Variants in PTPRN2 observed in about 807,000 individuals in gnomAD.
The protein encoded by PTPRN2 is receptor-type tyrosine-protein phosphatase N2.
PTPRN2 carries 74 observed loss-of-function variants against 118.8 expected under a neutral mutation model. The ratio of observed to expected loss-of-function variants is 0.62; its 90% CI spans 0.52 to 0.76. The LOEUF (loss-of-function observed/expected upper bound fraction) is 0.76. PTPRN2 is among the 30% of genes least tolerant of loss of function. PTPRN2 has a pLI of 0.00. For missense variants in PTPRN2, 1,481 were observed against 1,394.4 expected (o/e 1.06, Z -0.99); for synonymous variants, 641 against 608.0 (o/e 1.05, Z -0.80).
chr7:158,168,300 T>A (rs1232557113), intron 5 of PTPRN2, among the ~76,000 whole-genome samples: 1 of 152,246 alleles, frequency 6.6e-6, no homozygotes, highest in Non-Finnish European at 1.5e-5. Context: ...GCACGGCAGC[T>A]CGGAGTTACT....
chr7:157,845,101 G>A lies in PTPRN2; in HGVS notation c.1788+53572C>T, dbSNP rs1003450970. The stretch of plus-strand genomic sequence containing the variant: ...GAGGTGAGCACAAGGTCACAGGGAC[G>A]CAGCCCTGACCTCACGTTGGTCCAC... On this transcript the variant is annotated intron_variant, in intron 12 of 22. Coordinates refer to ENST00000389418, the MANE Select transcript of PTPRN2 (RefSeq NM_002847.5). This position sits in a 1 kb window ranked among gnomAD's most constrained non-coding sequence, Gnocchi z 4.5. 6.6e-6 allele frequency among the ~76,000 whole-genome samples: 1 copy of A among 152,184 alleles called. No individual in the cohort carries two copies. Among genetic ancestry groups the A allele is most frequent in the Non-Finnish European group, 1.5e-5 (1 of 68,036 alleles).
At position 157,777,977 on chromosome 7, in the gene PTPRN2, C is replaced by CAAA. The variant is rs5888729; in HGVS notation, c.1789-95043_1789-95041dup. Among the ~76,000 whole-genome samples the CAAA allele has an allele frequency of 5.9e-4, 65 of 109,662 alleles. 1 individual carries two copies. Among genetic ancestry groups the CAAA allele is most frequent in the African/African-American group, 1.9e-3 (63 of 32,878 alleles). 71.9% of individuals were successfully genotyped at this position (109,662 alleles called of 152,430 possible). On this transcript the variant is annotated intron_variant, in intron 12 of 22. Coordinates refer to ENST00000389418, the MANE Select transcript of PTPRN2 (RefSeq NM_002847.5). Reference sequence around the variant, plus strand: ...CTTTAGAAAAATCTTTACACCACAGCAAAAAAAAAAAAAAAAATACCCCAA... The same window carrying CAAA: ...CTTTAGAAAAATCTTTACACCACAGCAAAAAAAAAAAAAAAAAAAATACCCCAA...
chr7:158,490,732 T>C (rs2129445506), intron 1 of PTPRN2, among the ~76,000 whole-genome samples: 1 of 152,366 alleles, frequency 6.6e-6, no homozygotes, highest in Non-Finnish European at 1.5e-5. Context: ...GTGCCTTCAA[T>C]GCTGCTTCAC....
intron 11 of PTPRN2, among the ~76,000 whole-genome samples, chr7:157,985,330 G>T (rs541966891): frequency 1.1e-3 from 161 of 152,280 alleles, no homozygotes; most frequent in Non-Finnish European, 2.0e-3. Flanking sequence ...CTTCCATCTT[G>T]CGAGTTTAGC....
chr7:157,578,009 T>TAGAG lies in PTPRN2; in HGVS notation c.2616+11_2616+12insCTCT. Reference sequence around the variant, plus strand: ...TGGTGGGTCCTGCCCTGGGTGGCTCTGGTCGGAGTACCTCATAGATGTGGT... The same window carrying TAGAG: ...TGGTGGGTCCTGCCCTGGGTGGCTCTAGAGGGTCGGAGTACCTCATAGATGTGGT... On this transcript the variant is annotated intron_variant, in intron 18 of 22. Transcript: ENST00000389418. 1 of 1,599,374 alleles carries TAGAG rather than the reference T, an allele frequency of 6.3e-7. No individual in the cohort carries two copies. Among genetic ancestry groups the TAGAG allele is most frequent in the Non-Finnish European group, 8.6e-7 (1 of 1,169,036 alleles).
chr7:158,185,474 C>T (rs1021015546), intron 5 of PTPRN2, among the ~76,000 whole-genome samples: 1 of 152,148 alleles, frequency 6.6e-6, no homozygotes, highest in Non-Finnish European at 1.5e-5. Flanking sequence ...TGATCATGAT[C>T]GACCTGTATG....
chr7:158,358,852 G>GCATGGTGGT (rs1355950616), intron 2 of PTPRN2, among the ~76,000 whole-genome samples: 1 of 152,220 alleles, frequency 6.6e-6, no homozygotes, highest in Non-Finnish European at 1.5e-5. Flanking sequence ...GTTGGCAGGT[G>GCATGGTGGT]GATGGTGGTG....
At chr7:158,468,843 C>T (rs1026254292) in intron 2 of PTPRN2, among the ~76,000 whole-genome samples, 3 of 121,658 alleles carry the variant, frequency 2.5e-5, no homozygotes, top group Non-Finnish European at 5.4e-5. Flanking sequence ...ATGTGCACAC[C>T]CACACACTCC....
chr7:158,322,326 A>G (rs762968413), intron 2 of PTPRN2, among the ~76,000 whole-genome samples: 3 of 152,226 alleles, frequency 2.0e-5, no homozygotes, highest in African/African-American at 4.8e-5. Context: ...TGGTTCGGTT[A>G]TAATTGTGGA....
chr7:158,390,073 GCGTTTATTCAAAC>G (rs1161180433), intron 2 of PTPRN2, among the ~76,000 whole-genome samples: 2 of 152,230 alleles, frequency 1.3e-5, no homozygotes, highest in Non-Finnish European at 2.9e-5. Flanking sequence ...ATACTCAGCT[GCGTTTATTCAAAC>G]CGATCTTCTT....
intron 3 of PTPRN2, among the ~76,000 whole-genome samples, chr7:158,310,516 G>A (rs1196180040): frequency 6.6e-6 from 1 of 152,248 alleles, no homozygotes; most frequent in East Asian, 1.9e-4. Context: ...ATGAGGAATT[G>A]GAAACAGTGC....
intron 3 of PTPRN2, among the ~76,000 whole-genome samples, chr7:158,302,433 T>A (rs527338302): frequency 1.3e-5 from 2 of 152,340 alleles, no homozygotes; most frequent in East Asian, 3.9e-4. Flanking sequence ...CCTCACAGGA[T>A]CAGCTCGGTC....
chr7:158,424,727 C>A (rs1449297752), intron 2 of PTPRN2, among the ~76,000 whole-genome samples: 1 of 152,276 alleles, frequency 6.6e-6, no homozygotes, highest in Non-Finnish European at 1.5e-5. Context: ...GCATGTGCCG[C>A]ACCCTCGAGA....
chr7:158,171,067 A>ACT (rs1563554319), intron 5 of PTPRN2, among the ~76,000 whole-genome samples: 1 of 128,476 alleles, frequency 7.8e-6, no homozygotes, highest in African/African-American at 3.2e-5. Flanking sequence ...ATATATACAC[A>ACT]TTATATACAC....
At chr7:157,981,048 C>A (rs1207061092) in intron 11 of PTPRN2, among the ~76,000 whole-genome samples, 1 of 152,240 alleles carries the variant, frequency 6.6e-6, no homozygotes, top group East Asian at 1.9e-4. Context: ...ACTGGTGATG[C>A]CCTGCGCACT....
chr7:158,153,772 C>A (rs561655019), intron 6 of PTPRN2, among the ~76,000 whole-genome samples: 2 of 152,220 alleles, frequency 1.3e-5, no homozygotes, highest in South Asian at 4.1e-4. Context: ...TTTACAAGAA[C>A]CACTCTGCAG....
chr7:158,024,080 T>G (rs182150412), intron 11 of PTPRN2, among the ~76,000 whole-genome samples: 59 of 152,322 alleles, frequency 3.9e-4, no homozygotes, highest in Admixed American at 6.5e-5. Flanking sequence ...AGGGTCATTT[T>G]GTCTTCTATG....
chr7:158,004,598 T>C (rs1805516268), intron 11 of PTPRN2, among the ~76,000 whole-genome samples: 1 of 152,212 alleles, frequency 6.6e-6, no homozygotes. Flanking sequence ...TCCTGACAGT[T>C]TCATTTTCAG....
chr7:158,384,364 C>T (rs1388723602), intron 2 of PTPRN2, among the ~76,000 whole-genome samples: 2 of 152,166 alleles, frequency 1.3e-5, no homozygotes, highest in Admixed American at 6.5e-5. Flanking sequence ...GTGGGGACCG[C>T]GGGCTGTAAA....
Sources: allele counts gnomAD v4.1 joint callset (sites outside exome capture counted in the v4.1 genomes callset), GRCh38; gene constraint gnomAD v4.1.1; non-coding constraint Gnocchi (gnomAD v3.1); transcripts MANE v1.5; gene names NCBI Gene and HGNC (gene_info 2026-07-23, HGNC 2026-07-21).